The following SCHIP1 variants were observed in gnomAD, a reference collection of about 807,000 sequenced individuals.
The protein encoded by SCHIP1 is schwannomin-interacting protein 1.
A neutral mutation model predicts 29.7 loss-of-function variants in SCHIP1; 8 were observed. The observed-to-expected ratio is 0.27, with a 90% confidence interval of 0.16 to 0.49. The LOEUF is 0.49. Among genes scored for constraint, SCHIP1 ranks in the 20% least tolerant of loss-of-function variants. The probability of loss-of-function intolerance (pLI) is 0.99; values close to 1 mark genes in which losing one functional copy is unlikely to be tolerated. For missense variants in SCHIP1, 193 were observed against 294.6 expected, an observed-to-expected ratio of 0.66 and a Z score of 2.52; for synonymous variants, 76 against 94.9, an observed-to-expected ratio of 0.80 and a Z score of 1.16.
chr3:159,422,747 A>G, the SCHIP1 span, among the ~76,000 whole-genome samples: 1 of 152,170 alleles, frequency 6.6e-6, no homozygotes, highest in Non-Finnish European at 1.5e-5. Flanking sequence ...TGTGAGATAT[A>G]TATTCTGCAT....
At chr3:159,394,567 A>C in the SCHIP1 span, among the ~76,000 whole-genome samples, 1 of 152,110 alleles carries the variant, frequency 6.6e-6, no homozygotes, top group South Asian at 2.1e-4. Context: ...CATCTATTGA[A>C]ATAATCATGT....
chr3:159,572,671 G>A, the SCHIP1 span, among the ~76,000 whole-genome samples: 258 of 152,198 alleles, frequency 1.7e-3, 2 homozygotes, highest in Middle Eastern at 0.017. Context: ...CTGGATATCC[G>A]TGTTAACCTT....
At chr3:159,329,021 A>G in the SCHIP1 span, among the ~76,000 whole-genome samples, 1 of 152,282 alleles carries the variant, frequency 6.6e-6, no homozygotes, top group East Asian at 1.9e-4. Context: ...GCAGGTGGCC[A>G]AAGAGTCTTA....
the SCHIP1 span, among the ~76,000 whole-genome samples, chr3:159,632,458 C>G: frequency 6.6e-6 from 1 of 152,144 alleles, no homozygotes; most frequent in Non-Finnish European, 1.5e-5. Flanking sequence ...CAGGGCGAGG[C>G]CTTTGGCTGT....
the SCHIP1 span, among the ~76,000 whole-genome samples, chr3:159,402,427 C>G: frequency 5.9e-5 from 9 of 152,186 alleles, no homozygotes; most frequent in Non-Finnish European, 1.2e-4. Flanking sequence ...CATCCCATTA[C>G]TGGGTATATA....
At chr3:159,494,215 A>C in the SCHIP1 span, among the ~76,000 whole-genome samples, 2 of 152,172 alleles carry the variant, frequency 1.3e-5, no homozygotes, top group South Asian at 2.1e-4. Flanking sequence ...GAGCAAACAC[A>C]TTCAAAAGCT....
upstream of SCHIP1, among the ~76,000 whole-genome samples, chr3:159,838,629 G>A (rs1264501862): frequency 2.6e-5 from 4 of 152,088 alleles, no homozygotes; most frequent in Admixed American, 6.6e-5. Flanking sequence ...GGTGGCTCAC[G>A]CCTATAATCC....
chr3:159,461,973 G>A, the SCHIP1 span, among the ~76,000 whole-genome samples: 1 of 152,090 alleles, frequency 6.6e-6, no homozygotes, highest in Non-Finnish European at 1.5e-5. Flanking sequence ...ACTTTGAAAG[G>A]CCGAGGTGGG....
At chr3:159,524,622 G>T in the SCHIP1 span, among the ~76,000 whole-genome samples, 5 of 152,166 alleles carry the variant, frequency 3.3e-5, no homozygotes, top group Non-Finnish European at 7.3e-5. Context: ...TATAAGCCAG[G>T]CTTCTGTAAG....
At chr3:159,396,866 C>T in the SCHIP1 span, among the ~76,000 whole-genome samples, 2 of 151,500 alleles carry the variant, frequency 1.3e-5, no homozygotes, top group Admixed American at 6.6e-5. Context: ...GAACGTTGGC[C>T]TGCCTTGCTA....
At chr3:159,509,312 A>C in the SCHIP1 span, among the ~76,000 whole-genome samples, 1 of 151,630 alleles carries the variant, frequency 6.6e-6, no homozygotes. Context: ...TTTGTTTTCC[A>C]TTTGCTTGGT....
the SCHIP1 span, among the ~76,000 whole-genome samples, chr3:159,770,417 G>A: frequency 6.6e-6 from 1 of 152,068 alleles, no homozygotes; most frequent in Non-Finnish European, 1.5e-5. Context: ...CCACCATCAT[G>A]CCTGGCTAAT....
At chr3:159,552,032 CTTTTT>C in the SCHIP1 span, among the ~76,000 whole-genome samples, 2 of 103,554 alleles carry the variant, frequency 1.9e-5, no homozygotes, top group Non-Finnish European at 3.9e-5. Context: ...TGCCACATTG[CTTTTT>C]TTTTTTTTTT....
At chr3:159,703,905 C>G in the SCHIP1 span, among the ~76,000 whole-genome samples, 3 of 152,208 alleles carry the variant, frequency 2.0e-5, no homozygotes, top group Admixed American at 6.5e-5. Context: ...TAAACTCCCT[C>G]TCATCCCCAC....
At chr3:159,816,069 C>T in the SCHIP1 span, among the ~76,000 whole-genome samples, 1 of 152,006 alleles carries the variant, frequency 6.6e-6, no homozygotes, top group South Asian at 2.1e-4. Context: ...CTGCTTCAGC[C>T]TCCCAAGTAG....
At chr3:159,580,222 T>C in the SCHIP1 span, among the ~76,000 whole-genome samples, 1 of 152,186 alleles carries the variant, frequency 6.6e-6, no homozygotes, top group African/African-American at 2.4e-5. Context: ...ATATCAACTT[T>C]ATCCTGAGGG....
chr3:159,558,365 T>C, the SCHIP1 span, among the ~76,000 whole-genome samples: 1 of 152,186 alleles, frequency 6.6e-6, no homozygotes, highest in Non-Finnish European at 1.5e-5. Flanking sequence ...TCTTGCTTAT[T>C]GTCCTGGAAA....
At chr3:159,449,966 G>C in the SCHIP1 span, among the ~76,000 whole-genome samples, 1 of 152,020 alleles carries the variant, frequency 6.6e-6, no homozygotes, top group Non-Finnish European at 1.5e-5. Context: ...AGAGGGAAGA[G>C]AAGAGGAAGG....
chr3:159,658,609 T>C, the SCHIP1 span, among the ~76,000 whole-genome samples: 1 of 152,190 alleles, frequency 6.6e-6, no homozygotes, highest in Non-Finnish European at 1.5e-5. Flanking sequence ...TCTCATCTGT[T>C]TATACTCACT....
Sources: gnomAD v4.1 joint callset for allele counts (sites outside exome capture counted in the v4.1 genomes callset) on GRCh38, gnomAD v4.1.1 for gene constraint, MANE v1.5 for transcripts, NCBI Gene and HGNC (gene_info 2026-07-23, HGNC 2026-07-21) for gene names.